ZNF541: variants seen among roughly 807,000 people sequenced by gnomAD.
The protein encoded by ZNF541 is zinc finger protein 541.
ZNF541 carries 23 observed loss-of-function variants against 123.5 expected under a neutral mutation model. The ratio of observed to expected loss-of-function variants is 0.19; its 90% CI spans 0.13 to 0.26. The LOEUF (loss-of-function observed/expected upper bound fraction) is 0.26. Among genes scored for constraint, ZNF541 ranks in the 10% least tolerant of loss-of-function variants. ZNF541 has a pLI of 1.00. For synonymous variants in ZNF541, 751 were observed against 754.5 expected, an observed-to-expected ratio of 1.00 and a Z score of 0.08; for missense variants, 1,612 against 1,789.9, an observed-to-expected ratio of 0.90 and a Z score of 1.79.
Position 47,521,192 on chromosome 19 carries a change from G to A in ZNF541, c.*32C>T, listed in dbSNP as rs1453198066. On this transcript the variant is annotated 3_prime_UTR_variant, in exon 17 of 17. Coordinates refer to ENST00000391901, the MANE Select transcript of ZNF541 (RefSeq NM_001277075.3). The surrounding 1 kb of genome is among the most constrained non-coding windows in gnomAD (Gnocchi z 4.2). Reference sequence around the variant, plus strand: ...GGCCGAAGGGAGGAGGGGCAGCACTGGAGGCCCCATTCGGACTTGCTGCCA... The same window carrying A: ...GGCCGAAGGGAGGAGGGGCAGCACTAGAGGCCCCATTCGGACTTGCTGCCA... 1 of 1,546,848 alleles carries A rather than the reference G, an allele frequency of 6.5e-7. No individual in the cohort carries two copies. Among genetic ancestry groups the A allele is most frequent in the South Asian group, 1.2e-5 (1 of 83,808 alleles).
chr19:47,572,291 A>T (rs1971502951), intron 1 of ZNF541, among the ~76,000 whole-genome samples: 1 of 152,170 alleles, frequency 6.6e-6, no homozygotes, highest in Non-Finnish European at 1.5e-5. Flanking sequence ...TTAGGGCAGA[A>T]TTGGTGATAA....
chr19:47,543,357 G>A (rs916413379), intron 5 of ZNF541, among the ~76,000 whole-genome samples: 1 of 151,912 alleles, frequency 6.6e-6, no homozygotes, highest in African/African-American at 2.4e-5. Context: ...TTTGGACCAG[G>A]CCCTCCAAAC....
At chr19:47,546,089 A>G (rs1970344645) in intron 4 of ZNF541, 109 bp from the exon 5 acceptor site, 2 of 977,840 alleles carry the variant, frequency 2.0e-6, no homozygotes, top group Non-Finnish European at 2.8e-6. Context: ...ACCACAATTC[A>G]GAAATTGTAC....
rs1457955848 is a variant in ZNF541 at position 47,545,194 on chromosome 19, G to A, written c.1335C>T (p.Ser445=). 6.6e-7 allele frequency: 1 copy of A among 1,521,002 alleles called. No individual in the cohort carries two copies. The highest frequency in any genetic ancestry group is 8.8e-7 in the Non-Finnish European group (1 of 1,132,530). 94.2% of individuals were successfully genotyped at this position (1,521,002 alleles called of 1,614,324 possible). A position where few individuals can be genotyped will look rare whatever the true frequency, so the allele number is the denominator to read the frequency against. ...CGCTGCTGGGTCCCGGGCCAGACTC[G>A]GAGCCCTCCCGCGAGGGCACGGCCG... ...KPSAVPSREG[S]ESGPGPSSGS... The change falls in exon 5 of 17, where the codon TCC becomes TCT. Residue 445 remains serine, a synonymous_variant. Transcript: ENST00000391901. The surrounding 1 kb of genome is among the most constrained non-coding windows in gnomAD (Gnocchi z 7.5).
At chr19:47,532,321 T>TG in intron 10 of ZNF541, 51 bp from the exon 11 acceptor site, 1 of 1,541,726 alleles carries the variant, frequency 6.5e-7, no homozygotes, top group East Asian at 2.5e-5. Flanking sequence ...ATGACTGAGA[T>TG]GGGAAGTGAA....
chr19:47,549,282 T>A lies in ZNF541; in HGVS notation c.511A>T (p.Lys171Ter). The A allele has an allele frequency of 6.4e-7, 1 of 1,552,002 alleles. No individual in the cohort carries two copies. The highest frequency in any genetic ancestry group is 8.7e-7 in the Non-Finnish European group (1 of 1,147,066). The change falls in exon 4 of 17, where the codon AAA becomes TAA. Residue 171 changes from lysine to a stop codon, truncating the protein, a stop_gained. Transcript: ENST00000391901. LOFTEE classifies it high-confidence loss of function. ...CGCTTAAAGGCCTTGCTGCAGATTT[T>A]GCAGACGTGCTTCCTTTCCTGGCTG... ...THSQERKHVCKICSKAFKRQD... is the reference protein window; with the variant it reads ...THSQERKHVC
intron 4 of ZNF541, 94 bp from the exon 5 acceptor site, chr19:47,546,074 G>T: frequency 9.2e-7 from 1 of 1,088,150 alleles, no homozygotes; most frequent in Non-Finnish European, 1.2e-6. Context: ...CTGTGGTACA[G>T]TTGCACCACA....
intron 2 of ZNF541, among the ~76,000 whole-genome samples, chr19:47,560,500 T>G (rs1266774266): frequency 7.2e-6 from 1 of 139,648 alleles, no homozygotes. Context: ...CACTTGAATG[T>G]GGGAGGTGGA....
chr19:47,545,049 C>T lies in ZNF541; in HGVS notation c.1480G>A (p.Gly494Arg). 6.8e-7 allele frequency: 1 copy of T among 1,479,542 alleles called. No homozygotes were observed. The highest frequency in any genetic ancestry group is 8.9e-7 in the Non-Finnish European group (1 of 1,118,960). 91.7% of individuals were successfully genotyped at this position (1,479,542 alleles called of 1,614,324 possible). Residue 494 changes from glycine (G) to arginine (R), a missense_variant, in exon 5 of 17, where the codon GGG becomes AGG. Gly to Arg is a moderately radical substitution (Grantham distance 125). Around this residue, in one of 5 missense-constraint regions of ZNF541, gnomAD observed 1,080 missense variants for 1,013.8 expected, o/e 1.07. Transcript: ENST00000391901. This position sits in a 1 kb window ranked among gnomAD's most constrained non-coding sequence, Gnocchi z 7.5. ...TTGGGGGCGCAGGGGTCATCTTCCC[C>T]GCTGGCCGACCTGGGGTCGCTCGGG... ...EAPSDPRSAS[G>R]EDDPCAPKKV...
At chr19:47,533,703 C>T (rs57559304) in intron 9 of ZNF541, among the ~76,000 whole-genome samples, 3,363 of 151,990 alleles carry the variant, frequency 0.022, 121 homozygotes, top group African/African-American at 0.076. Flanking sequence ...ATTGGCTGGG[C>T]GTGGTGGAAT....
Position 47,521,578 on chromosome 19 carries a change from G to A in ZNF541, c.3788C>T (p.Ser1263Phe). Residue 1263 changes from serine to phenylalanine, a missense_variant, in exon 16 of 17, where the codon TCC becomes TTC. Coordinates refer to ENST00000391901, the MANE Select transcript of ZNF541 (RefSeq NM_001277075.3). This position sits in a 1 kb window ranked among gnomAD's most constrained non-coding sequence, Gnocchi z 4.2. ...TGCATTTGGGCTGGAGCTGAGGATG[G>A]ACTCCCTCCTATAACTCTTGGTCTT... ...KLKTKSYRRE[S>F]ILSSSPNAGS... The A allele has an allele frequency of 6.4e-7, 1 of 1,551,726 alleles. No individual in the cohort carries two copies.
At chr19:47,547,130 T>C (rs1168639493) in intron 4 of ZNF541, among the ~76,000 whole-genome samples, 1 of 152,208 alleles carries the variant, frequency 6.6e-6, no homozygotes, top group Non-Finnish European at 1.5e-5. Flanking sequence ...AAAAAGCCCC[T>C]ATTAGCATTC....
chr19:47,539,302 T>C (rs555199063), intron 8 of ZNF541, among the ~76,000 whole-genome samples: 39 of 149,496 alleles, frequency 2.6e-4, no homozygotes, highest in African/African-American at 6.9e-4. Context: ...ATTTTCTTTT[T>C]TTTTTTTTTT....
At chr19:47,547,039 AG>A (rs1271103150) in intron 4 of ZNF541, among the ~76,000 whole-genome samples, 1 of 152,198 alleles carries the variant, frequency 6.6e-6, no homozygotes, top group Admixed American at 6.6e-5. Context: ...CAAATGTAAA[AG>A]CCACACAGAG....
intron 2 of ZNF541, among the ~76,000 whole-genome samples, chr19:47,560,994 A>G (rs1344607416): frequency 6.6e-6 from 1 of 152,210 alleles, no homozygotes; most frequent in African/African-American, 2.4e-5. Context: ...AAAAAGAAAG[A>G]CAAGACTACA....
rs577603034 is a variant in ZNF541, at chr19:47,547,046, C to G, written c.549-1066G>C. Among the ~76,000 whole-genome samples, 11 of 152,318 alleles carry G rather than the reference C, an allele frequency of 7.2e-5. 1 individual carries two copies. The highest frequency in any genetic ancestry group is 2.4e-4 in the African/African-American group (10 of 41,580). On this transcript the variant is annotated intron_variant, in intron 4 of 16. Coordinates refer to ENST00000391901, the MANE Select transcript of ZNF541 (RefSeq NM_001277075.3). ...CACAGTAGCAAATGTAAAAGCCACA[C>G]AGAGAGAGACCTGTTTAACTTTCAG...
rs546297727 is a variant in ZNF541, at chr19:47,554,276, C to T, written c.307+1274G>A. On this transcript the variant is annotated intron_variant, in intron 3 of 16. Coordinates refer to ENST00000391901, the MANE Select transcript of ZNF541 (RefSeq NM_001277075.3). ...TGAAACCCCTTCACTACTAAAAATA[C>T]AAAAGTTAGCTGGGTGTGGTGGCAC... 3.3e-5 allele frequency among the ~76,000 whole-genome samples: 5 copies of T among 152,166 alleles called. No individual in the cohort carries two copies. The South Asian group carries it at 8.3e-4, about 25-fold the overall frequency.
At chr19:47,567,785 T>C (rs1419264493) in intron 2 of ZNF541, among the ~76,000 whole-genome samples, 1 of 152,206 alleles carries the variant, frequency 6.6e-6, no homozygotes, top group Non-Finnish European at 1.5e-5. Flanking sequence ...TTCTGTGCCC[T>C]GCCAGGCCTC....
chr19:47,532,937 T>C lies in ZNF541; in HGVS notation c.3130A>G (p.Lys1044Glu). ...VDGSFGICVV[K>E]DDTKISIEPH... ...TCAATGCTGATTTTGGTGTCATCCT[T>C]CACCACACAGATGCCAAAGGACCCA... Residue 1044 changes from lysine to glutamate, a missense_variant, in exon 10 of 17, where the codon AAG becomes GAG. Around this residue, in one of 5 missense-constraint regions of ZNF541, gnomAD observed 285 missense variants for 407.3 expected, o/e 0.70. Coordinates refer to ENST00000391901, the MANE Select transcript of ZNF541 (RefSeq NM_001277075.3). 1 of 1,550,484 alleles carries C rather than the reference T, an allele frequency of 6.4e-7. No homozygotes were observed. The highest frequency in any genetic ancestry group is 8.7e-7 in the Non-Finnish European group (1 of 1,146,386).
Sources: gnomAD v4.1 joint callset for allele counts (sites outside exome capture counted in the v4.1 genomes callset) on GRCh38, gnomAD v4.1.1 for gene constraint, gnomAD v4.1.1 regional missense constraint, Gnocchi (gnomAD v3.1) non-coding constraint, MANE v1.5 for transcripts, NCBI Gene and HGNC (gene_info 2026-07-23, HGNC 2026-07-21) for gene names.